The following UPF1 variants were observed in gnomAD, a reference collection of about 807,000 sequenced individuals.
The protein encoded by UPF1 is regulator of nonsense transcripts 1.
UPF1 carries 9 observed loss-of-function variants against 129.2 expected under a neutral mutation model. The ratio of observed to expected loss-of-function variants is 0.07; its 90% CI spans 0.04 to 0.12. UPF1 has a LOEUF of 0.12. UPF1 is among the 10% of genes least tolerant of loss of function. UPF1 has a pLI of 1.00. For missense variants in UPF1, 788 were observed against 1,525.3 expected (o/e 0.52, Z 8.05); for synonymous variants, 649 against 644.9 (o/e 1.01, Z -0.10).
intron 17 of UPF1, among the ~76,000 whole-genome samples, chr19:18,861,694 G>A (rs1423506958): frequency 6.6e-6 from 1 of 152,186 alleles, no homozygotes; most frequent in Admixed American, 6.5e-5. Context: ...AACTGGGTAT[G>A]GTGGCATGTG....
Position 18,866,138 on chromosome 19 carries a change from G to C in UPF1, c.3332G>C (p.Gly1111Ala). ...GGAGAGCGGGCTTACCAGCATGGCG[G>C]GGTGACGGGGCTGTCCCAGTATTAA... ...YQGERAYQHG[G>A]VTGLSQY The change falls in exon 23 of 24, where the codon GGG becomes GCG. Residue 1111 changes from glycine (G) to alanine (A), a missense_variant. By Grantham distance (60) the Gly-to-Ala change is moderately conservative (BLOSUM62 0). Coordinates refer to ENST00000262803, the MANE Select transcript of UPF1 (RefSeq NM_002911.4). 1 of 1,609,974 alleles carries C rather than the reference G, an allele frequency of 6.2e-7. No homozygotes were observed. Among genetic ancestry groups the C allele is most frequent in the Non-Finnish European group, 8.5e-7 (1 of 1,178,294 alleles).
At chr19:18,858,042 T>TCA (rs1210639318) in intron 15 of UPF1, among the ~76,000 whole-genome samples, 1 of 152,152 alleles carries the variant, frequency 6.6e-6, no homozygotes, top group Admixed American at 6.5e-5. Context: ...TGTGCCCGGA[T>TCA]CACAGTAAGA....
At chr19:18,840,752 T>C (rs2055532523) in intron 1 of UPF1, among the ~76,000 whole-genome samples, 1 of 152,152 alleles carries the variant, frequency 6.6e-6, no homozygotes, top group African/African-American at 2.4e-5. Context: ...AAGTTCTGCT[T>C]TCTCTGATAC....
At chr19:18,861,366 C>G (rs552332852) in intron 17 of UPF1, among the ~76,000 whole-genome samples, 2 of 152,338 alleles carry the variant, frequency 1.3e-5, no homozygotes, top group East Asian at 3.9e-4. Flanking sequence ...GGATGAAACA[C>G]CCACTGCGGG....
intron 1 of UPF1, among the ~76,000 whole-genome samples, chr19:18,842,805 G>A (rs1045891789): frequency 6.6e-6 from 1 of 152,014 alleles, no homozygotes; most frequent in African/African-American, 2.4e-5. Context: ...TTCGAGACCA[G>A]CCAGACCAAC....
At chr19:18,863,746 G>C in intron 19 of UPF1, 134 bp downstream of exon 19, 1 of 1,270,258 alleles carries the variant, frequency 7.9e-7, no homozygotes. Context: ...GCTCTCCTAG[G>C]GGAGGGTGGG....
intron 18 of UPF1, 24 bp downstream of exon 18, chr19:18,862,176 C>G (rs1555700608): frequency 6.2e-7 from 1 of 1,610,168 alleles, no homozygotes; most frequent in Admixed American, 1.7e-5. Flanking sequence ...CTGCTGCATG[C>G]TGCCCAGCCG....
chr19:18,842,545 A>C (rs1255840525), intron 1 of UPF1, among the ~76,000 whole-genome samples: 16 of 152,174 alleles, frequency 1.1e-4, no homozygotes, highest in Admixed American at 1.0e-3. Context: ...AGGAAATATC[A>C]GGGCAGAATC....
rs59045002 is a variant in UPF1, at chr19:18,845,890, G to A, written c.232-90G>A. 561,122 of 1,499,678 alleles carry A rather than the reference G, an allele frequency of 0.37. 110,779 individuals are homozygous for A. The highest frequency in any genetic ancestry group is 0.51 in the Admixed American group (24,068 of 47,044). The allele number at this position is 1,499,678 out of a possible 1,614,324, so 92.9% of individuals were successfully genotyped here. On this transcript the variant is annotated intron_variant, in intron 1 of 23. Transcript: ENST00000262803. ...TGTCTCAAAGCAGAGATGAGGCCAG[G>A]GTGTCACACCAGAGTCATCGAGGCT...
intron 1 of UPF1, among the ~76,000 whole-genome samples, chr19:18,843,169 T>C (rs2055559487): frequency 6.6e-6 from 1 of 152,146 alleles, no homozygotes. Flanking sequence ...GAATCAGGAA[T>C]GAGCTGCTTT....
At chr19:18,864,020 C>A in intron 19 of UPF1, 150 bp from the exon 20 acceptor site, 1 of 727,210 alleles carries the variant, frequency 1.4e-6, no homozygotes, top group Non-Finnish European at 2.4e-6. Context: ...GGCCATGAGA[C>A]AGCAGCTCCC....
At position 18,850,571 on chromosome 19, in the gene UPF1, CA is replaced by C; in HGVS notation, c.630-116del. 8.5e-7 allele frequency: 1 copy of C among 1,174,582 alleles called. No homozygotes were observed. The highest frequency in any genetic ancestry group is 1.2e-6 in the Non-Finnish European group (1 of 868,024). 72.8% of individuals were successfully genotyped at this position (1,174,582 alleles called of 1,614,324 possible). Reference sequence around the variant, plus strand: ...TAACAGTTTGAAGGTAATGTGATCACATAATAAAATGCAGGGCATGCCCCTT... The same window carrying C: ...TAACAGTTTGAAGGTAATGTGATCACTAATAAAATGCAGGGCATGCCCCTT... On this transcript the variant is annotated intron_variant, in intron 4 of 23. Transcript: ENST00000262803. This position sits in a 1 kb window ranked among gnomAD's most constrained non-coding sequence, Gnocchi z 7.1.
At position 18,865,638 on chromosome 19, in the gene UPF1, A is replaced by G; in HGVS notation, c.3097A>G (p.Thr1033Ala). 6.2e-7 allele frequency: 1 copy of G among 1,613,794 alleles called. No individual in the cohort carries two copies. Among genetic ancestry groups the G allele is most frequent in the Non-Finnish European group, 8.5e-7 (1 of 1,180,032 alleles). ...CTTTGGGCTTCCTGGACCCAGCCAG[A>G]CTAACCTCCCCAACAGCCAAGCCAG... ...NRFGLPGPSQTNLPNSQASQD... is the reference protein window; with the variant it reads ...NRFGLPGPSQANLPNSQASQD... Residue 1033 changes from threonine (T) to alanine (A), a missense_variant, in exon 22 of 24, where the codon ACT (threonine) becomes GCT (alanine). This residue lies in a region of UPF1 where 218 missense variants were observed against 318.1 expected (regional missense o/e 0.69). Coordinates refer to ENST00000262803, the MANE Select transcript of UPF1 (RefSeq NM_002911.4). This position sits in a 1 kb window ranked among gnomAD's most constrained non-coding sequence, Gnocchi z 6.1.
chr19:18,866,423 G>A (rs912477522), intron 23 of UPF1, 98 bp from the exon 24 acceptor site: 32 of 463,406 alleles, frequency 6.9e-5, no homozygotes, highest in Admixed American at 1.7e-4. Flanking sequence ...GAGTCGGGGA[G>A]GGCAGCTCGG....
intron 3 of UPF1, chr19:18,849,503 C>T (rs565325234): frequency 6.3e-6 from 1 of 159,324 alleles, no homozygotes; most frequent in Admixed American, 6.0e-5. Flanking sequence ...GCCAGGGCTT[C>T]ACACACAGCC....
intron 1 of UPF1, among the ~76,000 whole-genome samples, chr19:18,840,975 A>G (rs1236560734): frequency 6.6e-6 from 1 of 152,244 alleles, no homozygotes; most frequent in Non-Finnish European, 1.5e-5. Flanking sequence ...TTCCTGAAGC[A>G]TCAGCTCCTT....
chr19:18,836,776 C>T (rs1032847702), intron 1 of UPF1, among the ~76,000 whole-genome samples: 12 of 134,118 alleles, frequency 8.9e-5, no homozygotes, highest in African/African-American at 2.8e-4. Flanking sequence ...TTTTTGGAGA[C>T]GGAGTCTCGC....
Position 18,856,320 on chromosome 19 carries a change from G to A in UPF1, c.1824+20G>A. The A allele has an allele frequency of 6.3e-7, 1 of 1,579,592 alleles. No individual in the cohort carries two copies. On this transcript the variant is annotated intron_variant, in intron 13 of 23. Coordinates refer to ENST00000262803, the MANE Select transcript of UPF1 (RefSeq NM_002911.4). Reference sequence around the variant, plus strand: ...CTGATGGTGAGTGCCCCTCCTGCCTGCAAAAGGGCCTGTGGGCTGGCGGCC... The same window carrying A: ...CTGATGGTGAGTGCCCCTCCTGCCTACAAAAGGGCCTGTGGGCTGGCGGCC...
chr19:18,856,263 G>C lies in UPF1; in HGVS notation c.1787G>C (p.Arg596Pro). 1 of 1,606,404 alleles carries C rather than the reference G, an allele frequency of 6.2e-7. No individual in the cohort carries two copies. Among genetic ancestry groups the C allele is most frequent in the Non-Finnish European group, 8.5e-7 (1 of 1,173,842 alleles). The change falls in exon 13 of 24, where the codon CGG (arginine) becomes CCG (proline). Residue 596 changes from arginine (R) to proline (P), a missense_variant. Around this residue, in one of 6 missense-constraint regions of UPF1, gnomAD observed 91 missense variants for 157.2 expected, o/e 0.58. Transcript: ENST00000262803. ...ELSSADEKRY[R>P]ALKRTAEREL... Reference sequence around the variant, plus strand: ...TCGTCTGCCGACGAGAAGCGGTACCGGGCCTTGAAGCGCACCGCAGAGAGA... The same window carrying C: ...TCGTCTGCCGACGAGAAGCGGTACCCGGCCTTGAAGCGCACCGCAGAGAGA...
Sources: gnomAD v4.1 joint callset for allele counts (sites outside exome capture counted in the v4.1 genomes callset) on GRCh38, gnomAD v4.1.1 for gene constraint, gnomAD v4.1.1 regional missense constraint, Gnocchi (gnomAD v3.1) non-coding constraint, MANE v1.5 for transcripts, NCBI Gene and HGNC (gene_info 2026-07-23, HGNC 2026-07-21) for gene names.